RANBP2: variants seen among roughly 807,000 people sequenced by gnomAD.
RANBP2 encodes the protein RAN binding protein 2.
In RANBP2, 57 loss-of-function variants were observed where a neutral mutation model predicts 303.6. The ratio of observed to expected loss-of-function variants is 0.19; its 90% CI spans 0.15 to 0.23. The LOEUF is 0.23. RANBP2 is among the 10% of genes least tolerant of loss of function. RANBP2 has a pLI of 1.00. For missense variants in RANBP2, 3,138 were observed against 3,780.8 expected, an observed-to-expected ratio of 0.83 and a Z score of 4.46; for synonymous variants, 1,167 against 1,301.5, an observed-to-expected ratio of 0.90 and a Z score of 2.23.
chr2:108,930,203 A>G, the RANBP2 span: 1 of 1,614,100 alleles, frequency 6.2e-7, no homozygotes. Context: ...TTCTCACCGC[A>G]GTTTGAGTAT....
At chr2:108,875,336 A>G in the RANBP2 span, among the ~76,000 whole-genome samples, 1 of 124,604 alleles carries the variant, frequency 8.0e-6, no homozygotes, top group Non-Finnish European at 1.6e-5. Context: ...AAAAAAAAAA[A>G]GAAACAAATT....
At chr2:108,737,818 A>G (rs918525501) in intron 6 of RANBP2, among the ~76,000 whole-genome samples, 14 of 146,062 alleles carry the variant, frequency 9.6e-5, no homozygotes, top group African/African-American at 3.1e-4. Flanking sequence ...GGTTCATGCC[A>G]TTCTTCTGCC....
At chr2:109,404,904 T>C in the RANBP2 span, among the ~76,000 whole-genome samples, 3 of 152,098 alleles carry the variant, frequency 2.0e-5, no homozygotes, top group Non-Finnish European at 4.4e-5. Flanking sequence ...CAGCACCCCT[T>C]CCTGAACCTG....
At chr2:109,126,879 C>T in the RANBP2 span, among the ~76,000 whole-genome samples, 1 of 152,240 alleles carries the variant, frequency 6.6e-6, no homozygotes, top group Non-Finnish European at 1.5e-5. Flanking sequence ...TCTGTGAGCC[C>T]TTCCAGTGCC....
At chr2:108,893,523 TGATAAA>T in the RANBP2 span, among the ~76,000 whole-genome samples, 1 of 151,814 alleles carries the variant, frequency 6.6e-6, no homozygotes, top group Non-Finnish European at 1.5e-5. Context: ...GGATGCTTTC[TGATAAA>T]GATCTTGATC....
At chr2:109,472,431 T>C in the RANBP2 span, among the ~76,000 whole-genome samples, 1 of 152,100 alleles carries the variant, frequency 6.6e-6, no homozygotes, top group Non-Finnish European at 1.5e-5. Flanking sequence ...CCTGCAGAGC[T>C]TGCGGGGCTT....
the RANBP2 span, chr2:108,804,704 G>C: frequency 1.8e-5 from 3 of 170,882 alleles, no homozygotes; most frequent in African/African-American, 7.2e-5. Context: ...ATGTTTTGTT[G>C]TTATCTTGGT....
downstream of RANBP2, among the ~76,000 whole-genome samples, chr2:108,787,178 C>A (rs888703881): frequency 1.3e-5 from 2 of 151,952 alleles, no homozygotes; most frequent in East Asian, 1.9e-4. Flanking sequence ...TGCTATTCAG[C>A]TTTTTTTTGC....
At chr2:109,172,297 C>T in the RANBP2 span, among the ~76,000 whole-genome samples, 15 of 152,268 alleles carry the variant, frequency 9.9e-5, no homozygotes, top group Non-Finnish European at 1.9e-4. Flanking sequence ...TGCTGTTTCT[C>T]TCCTGACAAG....
At chr2:109,342,357 A>G in the RANBP2 span, among the ~76,000 whole-genome samples, 1 of 152,176 alleles carries the variant, frequency 6.6e-6, no homozygotes, top group Non-Finnish European at 1.5e-5. Context: ...CTGTGTGTTC[A>G]TTCGTTCAGT....
the RANBP2 span, among the ~76,000 whole-genome samples, chr2:109,473,393 A>G: frequency 6.6e-6 from 1 of 152,238 alleles, no homozygotes; most frequent in African/African-American, 2.4e-5. Flanking sequence ...TGAGGCCCCC[A>G]TCAGCATTTG....
the RANBP2 span, among the ~76,000 whole-genome samples, chr2:108,874,651 T>TA: frequency 6.6e-6 from 1 of 152,188 alleles, no homozygotes; most frequent in Non-Finnish European, 1.5e-5. Flanking sequence ...TATTTGTAGA[T>TA]AGGGATTAAG....
the RANBP2 span, among the ~76,000 whole-genome samples, chr2:109,495,841 A>G: frequency 6.6e-6 from 1 of 152,180 alleles, no homozygotes; most frequent in Non-Finnish European, 1.5e-5. Flanking sequence ...AAATGGGGAT[A>G]ATAATACATG....
At chr2:108,804,989 ATG>A in the RANBP2 span, 1 of 1,541,712 alleles carries the variant, frequency 6.5e-7, no homozygotes, top group South Asian at 1.3e-5. Flanking sequence ...AAAGAATTGA[ATG>A]ATACCTTAAA....
At chr2:109,095,001 C>T in the RANBP2 span, among the ~76,000 whole-genome samples, 40 of 152,164 alleles carry the variant, frequency 2.6e-4, no homozygotes, top group African/African-American at 8.7e-4. Context: ...AAAATGTCTT[C>T]GAAATGTAGA....
At chr2:109,697,672 G>T in the RANBP2 span, among the ~76,000 whole-genome samples, 13 of 152,100 alleles carry the variant, frequency 8.5e-5, no homozygotes, top group East Asian at 2.1e-3. Context: ...CATGCCATCT[G>T]CAAATTAGGG....
the RANBP2 span, among the ~76,000 whole-genome samples, chr2:108,960,778 G>A: frequency 1.8e-4 from 27 of 152,242 alleles, no homozygotes; most frequent in African/African-American, 6.3e-4. Context: ...TATATCATAA[G>A]GAGTCATATC....
chr2:108,890,232 C>CTTTTTTTT, the RANBP2 span, among the ~76,000 whole-genome samples: 2 of 114,698 alleles, frequency 1.7e-5, no homozygotes, highest in African/African-American at 3.5e-5. Context: ...ATGGGGTTTT[C>CTTTTTTTT]TTTTTTTTTT....
the RANBP2 span, among the ~76,000 whole-genome samples, chr2:109,428,666 G>A: frequency 6.6e-6 from 1 of 152,204 alleles, no homozygotes; most frequent in Non-Finnish European, 1.5e-5. Context: ...AAGGCTCTCT[G>A]ATCCTAAAAT....
Sources: gnomAD v4.1 joint callset for allele counts (sites outside exome capture counted in the v4.1 genomes callset) on GRCh38, gnomAD v4.1.1 for gene constraint, MANE v1.5 for transcripts, NCBI Gene and HGNC (gene_info 2026-07-23, HGNC 2026-07-21) for gene names.